Variants in THSD7B observed in about 807,000 individuals in gnomAD.
The protein encoded by THSD7B is thrombospondin type-1 domain-containing protein 7B.
In THSD7B, 138 loss-of-function variants were observed where a neutral mutation model predicts 213.6. The observed-to-expected ratio is 0.65, with a 90% confidence interval of 0.56 to 0.74. The LOEUF is 0.74. Among genes scored for constraint, THSD7B ranks in the 30% least tolerant of loss-of-function variants. The probability of loss-of-function intolerance (pLI) is 0.00; values close to 1 mark genes in which losing one functional copy is unlikely to be tolerated. For synonymous variants in THSD7B, 742 were observed against 687.0 expected, an observed-to-expected ratio of 1.08 and a Z score of -1.25; for missense variants, 1,931 against 1,991.5, an observed-to-expected ratio of 0.97 and a Z score of 0.58.
intron 17 of THSD7B, among the ~76,000 whole-genome samples, chr2:137,609,993 G>A (rs1682258699): frequency 6.6e-6 from 1 of 152,112 alleles, no homozygotes; most frequent in African/African-American, 2.4e-5. Context: ...CAAACTTTTT[G>A]ACCTGAGCCT....
chr2:136,948,820 A>G (rs1684987069), intron 2 of THSD7B, among the ~76,000 whole-genome samples: 1 of 152,194 alleles, frequency 6.6e-6, no homozygotes, highest in Non-Finnish European at 1.5e-5. Context: ...TGTGAGAGAT[A>G]TATTCCTGAT....
chr2:137,450,046 G>A (rs992696869), intron 14 of THSD7B, among the ~76,000 whole-genome samples: 3 of 152,102 alleles, frequency 2.0e-5, no homozygotes, highest in African/African-American at 7.2e-5. Context: ...GGAAATTGAT[G>A]GCCTCAGTTT....
intron 21 of THSD7B, 121 bp from the exon 22 acceptor site, chr2:137,655,380 A>G (rs1367375423): frequency 5.5e-5 from 58 of 1,049,658 alleles, no homozygotes; most frequent in Non-Finnish European, 7.3e-5. Context: ...GAGATAGCTC[A>G]CAAGAAGAGG....
chr2:137,405,933 A>AC (rs1686507696), intron 13 of THSD7B, 126 bp downstream of exon 13: 4 of 747,784 alleles, frequency 5.3e-6, no homozygotes, highest in Non-Finnish European at 8.4e-6. Flanking sequence ...ATTCGTTAAT[A>AC]CATATCCTCA....
At chr2:137,334,133 T>C (rs1485576800) in intron 12 of THSD7B, among the ~76,000 whole-genome samples, 1 of 152,148 alleles carries the variant, frequency 6.6e-6, no homozygotes, top group Non-Finnish European at 1.5e-5. Flanking sequence ...TACCGGCTAA[T>C]CACGGTTCCA....
intron 27 of THSD7B, among the ~76,000 whole-genome samples, chr2:137,674,893 C>G (rs1683662316): frequency 6.6e-6 from 1 of 152,110 alleles, no homozygotes; most frequent in Non-Finnish European, 1.5e-5. Flanking sequence ...TAATTTATTT[C>G]TTTAACTTGT....
chr2:137,374,957 T>C (rs2104955371), intron 12 of THSD7B, among the ~76,000 whole-genome samples: 1 of 152,304 alleles, frequency 6.6e-6, no homozygotes, highest in East Asian at 1.9e-4. Context: ...CAGGTTGTGC[T>C]TGGATCGTGG....
chr2:137,000,948 T>G (rs937048667), intron 2 of THSD7B, among the ~76,000 whole-genome samples: 1 of 152,134 alleles, frequency 6.6e-6, no homozygotes, highest in Admixed American at 6.6e-5. Context: ...TGTTTGCTTA[T>G]TTTACTCTCA....
chr2:137,405,730 C>T lies in THSD7B; in HGVS notation c.2618C>T (p.Thr873Ile), dbSNP rs1686501625. The T allele has an allele frequency of 3.1e-6, 5 of 1,613,766 alleles. No individual in the cohort carries two copies. The East Asian group carries it at 6.7e-5, about 22-fold the overall frequency. Reference sequence around the variant, plus strand: ...ACAGTCCCATGTCGAGAAGACTGCACCTTCACTGCTTGGTCCAAGTTTACG... The same window carrying T: ...ACAGTCCCATGTCGAGAAGACTGCATCTTCACTGCTTGGTCCAAGTTTACG... ...ECTVPCREDC[T>I]FTAWSKFTPC... Residue 873 changes from threonine to isoleucine, a missense_variant, in exon 13 of 28, where the codon ACC becomes ATC. Transcript: ENST00000409968.
intron 2 of THSD7B, among the ~76,000 whole-genome samples, chr2:136,998,958 A>C (rs986381705): frequency 1.1e-4 from 14 of 129,930 alleles, no homozygotes; most frequent in South Asian, 2.5e-4. Flanking sequence ...ACACACACAC[A>C]CCCCTGCTTT....
chr2:137,428,068 T>C (rs1440205680), intron 14 of THSD7B, among the ~76,000 whole-genome samples: 1 of 152,160 alleles, frequency 6.6e-6, no homozygotes, highest in African/African-American at 2.4e-5. Flanking sequence ...AAGAGACTTG[T>C]ATGCAGAATA....
chr2:137,626,711 A>C (rs930323629), intron 20 of THSD7B, among the ~76,000 whole-genome samples: 6 of 152,164 alleles, frequency 3.9e-5, no homozygotes, highest in African/African-American at 1.4e-4. Context: ...AAGCAGTTAG[A>C]AGCAGCAGCA....
intron 2 of THSD7B, among the ~76,000 whole-genome samples, chr2:136,935,415 G>T (rs759723218): frequency 2.0e-5 from 3 of 152,082 alleles, no homozygotes; most frequent in East Asian, 3.9e-4. Context: ...AGTGTTTAGC[G>T]CTTGCCAATA....
chr2:137,485,024 A>G (rs1415548548), intron 15 of THSD7B, among the ~76,000 whole-genome samples: 1 of 23,120 alleles, frequency 4.3e-5, no homozygotes, highest in African/African-American at 1.5e-4. Context: ...TCTTTAGTTT[A>G]ATTAGATCCC....
chr2:137,388,572 C>T (rs376733550), intron 12 of THSD7B, among the ~76,000 whole-genome samples: 6 of 151,688 alleles, frequency 4.0e-5, no homozygotes, highest in Non-Finnish European at 5.9e-5. Context: ...ATTGTCATTA[C>T]GTATAGTTGC....
At chr2:137,353,516 T>C (rs1426922076) in intron 12 of THSD7B, among the ~76,000 whole-genome samples, 2 of 152,068 alleles carry the variant, frequency 1.3e-5, no homozygotes, top group Non-Finnish European at 2.9e-5. Flanking sequence ...TATGATATCC[T>C]GGACATGGCA....
intron 2 of THSD7B, among the ~76,000 whole-genome samples, chr2:136,905,452 T>C (rs1041325308): frequency 4.6e-5 from 7 of 152,212 alleles, no homozygotes; most frequent in African/African-American, 1.7e-4. Context: ...GTGAGAAATA[T>C]TGTTTTGAAC....
chr2:137,468,986 G>T (rs1411011736), intron 15 of THSD7B, among the ~76,000 whole-genome samples: 1 of 152,142 alleles, frequency 6.6e-6, no homozygotes, highest in African/African-American at 2.4e-5. Context: ...CTTTTAAAAT[G>T]TTGGTTTTTA....
chr2:136,808,727 A>G lies in THSD7B; in HGVS notation c.-36+43040A>G, dbSNP rs529493881. Among the ~76,000 whole-genome samples the G allele has an allele frequency of 3.9e-5, 6 of 152,344 alleles. 1 individual carries two copies. The South Asian group carries it at 1.0e-3, about 26-fold the overall frequency. ...TTCATCCTTAGGAATATCTAAATTTAAACACATGTAATTTTTAGGTTTAAA... is the reference window on the plus strand; with the variant it reads ...TTCATCCTTAGGAATATCTAAATTTGAACACATGTAATTTTTAGGTTTAAA... On this transcript the variant is annotated intron_variant, in intron 1 of 27. Transcript: ENST00000409968.
Sources: gnomAD v4.1 joint callset for allele counts (sites outside exome capture counted in the v4.1 genomes callset) on GRCh38, gnomAD v4.1.1 for gene constraint, MANE v1.5 for transcripts, NCBI Gene and HGNC (gene_info 2026-07-23, HGNC 2026-07-21) for gene names.